The following DLG2 variants were observed in gnomAD, a reference collection of about 807,000 sequenced individuals.
The protein encoded by DLG2 is disks large homolog 2.
A neutral mutation model predicts 132.5 loss-of-function variants in DLG2; 45 were observed. The observed-to-expected ratio is 0.34, with a 90% CI of 0.27 to 0.44. The LOEUF is 0.44. Among genes scored for constraint, DLG2 ranks in the 20% least tolerant of loss-of-function variants. DLG2 has a pLI of 1.00. For missense variants in DLG2, 1,045 were observed against 1,196.9 expected (o/e 0.87, Z 1.87); for synonymous variants, 424 against 419.6 (o/e 1.01, Z -0.13).
At chr11:84,957,107 A>G (rs2051797639) in intron 6 of DLG2, among the ~76,000 whole-genome samples, 1 of 152,178 alleles carries the variant, frequency 6.6e-6, no homozygotes. Flanking sequence ...TAGGGGAGAG[A>G]TACAACTATG....
chr11:85,181,617 AGTAACCCT>A (rs1187589077), intron 4 of DLG2, among the ~76,000 whole-genome samples: 1 of 151,782 alleles, frequency 6.6e-6, no homozygotes. Context: ...ACAAATAGGC[AGTAACCCT>A]TGCCTGCATG....
In DLG2 at chr11:84,129,565, C is replaced by T. The variant is rs192369006; in HGVS notation, c.625-30518G>A. ...GATGGCCTGTCATCTTGCCTCAAAA[C>T]AGCCACGTCAGGCAGAAGAGTGTAT... On this transcript the variant is annotated intron_variant, in intron 9 of 27. Coordinates refer to ENST00000376104, the MANE Select transcript of DLG2 (RefSeq NM_001142699.3). Among the ~76,000 whole-genome samples the T allele has an allele frequency of 3.3e-3, 496 of 152,184 alleles. 4 individuals carry two copies. Among genetic ancestry groups the T allele is most frequent in the African/African-American group, 0.012 (484 of 41,538 alleles).
chr11:84,746,810 T>C (rs1052493600), intron 6 of DLG2, among the ~76,000 whole-genome samples: 6 of 152,138 alleles, frequency 3.9e-5, no homozygotes, highest in Non-Finnish European at 7.3e-5. Context: ...TCCCTGCCAA[T>C]CTTTTGCCCT....
intron 7 of DLG2, chr11:84,437,283 T>G (rs994177486): frequency 1.3e-5 from 2 of 151,876 alleles, no homozygotes; most frequent in African/African-American, 4.8e-5. Flanking sequence ...GAGAGGCAGG[T>G]TCTCACTCCA....
rs190725205 is a variant in DLG2 at position 84,726,913 on chromosome 11, G to A, written c.358-192182C>T. Among the ~76,000 whole-genome samples the A allele has an allele frequency of 2.4e-3, 363 of 152,312 alleles. 6 individuals carry two copies. The highest frequency in any genetic ancestry group is 1.6e-4 in the Non-Finnish European group (11 of 68,032). The stretch of plus-strand genomic sequence containing the variant: ...GCATAAATGTCTTCTTTTGAGAAGT[G>A]TCTGCTTATATCTTTTGCCCAGTTT... On this transcript the variant is annotated intron_variant, in intron 6 of 27. Transcript: ENST00000376104.
chr11:85,119,665 T>G (rs1397594742), intron 5 of DLG2, among the ~76,000 whole-genome samples: 1 of 152,038 alleles, frequency 6.6e-6, no homozygotes, highest in African/African-American at 2.4e-5. Flanking sequence ...AGACTGTAAC[T>G]TCTAAAACAA....
intron 4 of DLG2, among the ~76,000 whole-genome samples, chr11:85,217,241 C>G (rs2082676653): frequency 6.6e-6 from 1 of 151,344 alleles, no homozygotes; most frequent in Non-Finnish European, 1.5e-5. Context: ...GTTCTATTAC[C>G]ACTCAATCCT....
chr11:84,267,579 C>G (rs572179775), intron 7 of DLG2, among the ~76,000 whole-genome samples: 1 of 152,174 alleles, frequency 6.6e-6, no homozygotes, highest in Non-Finnish European at 1.5e-5. Flanking sequence ...AATTTGTTGT[C>G]AGGCTAAAAG....
In DLG2 at chr11:85,413,113, G is replaced by A. The variant is rs577352165; in HGVS notation, c.41-127748C>T. 2.6e-5 allele frequency among the ~76,000 whole-genome samples: 4 copies of A among 151,998 alleles called. No individual in the cohort carries two copies. The South Asian group carries it at 8.3e-4, about 31-fold the overall frequency. On this transcript the variant is annotated intron_variant, in intron 3 of 27. Transcript: ENST00000376104. ...TTTTATTGTGGCCATTCTTGCACGA[G>A]TAAGGTGGTATCGCATTGGACTTTT...
chr11:84,193,323 G>T lies in DLG2; in HGVS notation c.574-29812C>A, dbSNP rs547992918. ...AGCCACATCACCTGGTGTTAGACTGGACCTGAGATTCGAAGATATTAAACT... is the reference window on the plus strand; with the variant it reads ...AGCCACATCACCTGGTGTTAGACTGTACCTGAGATTCGAAGATATTAAACT... On this transcript the variant is annotated intron_variant, in intron 8 of 27. Transcript: ENST00000376104. Among the ~76,000 whole-genome samples the T allele has an allele frequency of 6.0e-4, 91 of 152,282 alleles. 2 individuals carry two copies. The South Asian group carries it at 0.017, about 28-fold the overall frequency.
At chr11:84,970,997 C>A (rs896785540) in intron 6 of DLG2, among the ~76,000 whole-genome samples, 1 of 152,034 alleles carries the variant, frequency 6.6e-6, no homozygotes, top group Admixed American at 6.6e-5. Flanking sequence ...TTTTAAATTA[C>A]TTGGGGTATA....
At chr11:84,167,987 T>C (rs1207675016) in intron 8 of DLG2, among the ~76,000 whole-genome samples, 2 of 152,228 alleles carry the variant, frequency 1.3e-5, no homozygotes, top group East Asian at 1.9e-4. Flanking sequence ...AATTTTTATA[T>C]ATCTCTGTGT....
intron 9 of DLG2, among the ~76,000 whole-genome samples, chr11:84,146,063 G>A (rs983744802): frequency 1.1e-4 from 17 of 152,170 alleles, no homozygotes; most frequent in African/African-American, 3.6e-4. Flanking sequence ...AAGGTTTCTA[G>A]GCAGTGGAGA....
chr11:84,281,105 G>C (rs1171613806), intron 7 of DLG2, among the ~76,000 whole-genome samples: 1 of 151,936 alleles, frequency 6.6e-6, no homozygotes, highest in Non-Finnish European at 1.5e-5. Context: ...GGGACAATTG[G>C]TTATCCATAT....
chr11:84,789,291 A>G (rs1157343518), intron 6 of DLG2, among the ~76,000 whole-genome samples: 1 of 152,180 alleles, frequency 6.6e-6, no homozygotes, highest in Non-Finnish European at 1.5e-5. Flanking sequence ...ATCCTTCCCT[A>G]AAGTTATGTA....
At chr11:84,972,704 T>C (rs770231611) in intron 6 of DLG2, among the ~76,000 whole-genome samples, 15 of 152,302 alleles carry the variant, frequency 9.8e-5, no homozygotes, top group Non-Finnish European at 1.9e-4. Context: ...CTCCCGAATA[T>C]TAAATTAAAA....
intron 15 of DLG2, among the ~76,000 whole-genome samples, chr11:83,883,490 A>T (rs2066885400): frequency 6.6e-6 from 1 of 152,124 alleles, no homozygotes; most frequent in African/African-American, 2.4e-5. Context: ...CCCACTCATC[A>T]CTGTTAGGTA....
At chr11:85,080,900 G>T (rs1170734511) in intron 6 of DLG2, among the ~76,000 whole-genome samples, 1 of 152,028 alleles carries the variant, frequency 6.6e-6, no homozygotes. Context: ...AAGTCAGAGA[G>T]TTAATTTAGG....
intron 3 of DLG2, among the ~76,000 whole-genome samples, chr11:85,476,152 C>A (rs2093134978): frequency 6.6e-6 from 1 of 152,108 alleles, no homozygotes; most frequent in Admixed American, 6.5e-5. Context: ...CAAACCTGTA[C>A]AGCATGTTGC....
Sources: allele counts gnomAD v4.1 joint callset (sites outside exome capture counted in the v4.1 genomes callset), GRCh38; gene constraint gnomAD v4.1.1; transcripts MANE v1.5; gene names NCBI Gene and HGNC (gene_info 2026-07-23, HGNC 2026-07-21).